DNM2: variants seen among roughly 807,000 people sequenced by gnomAD.
The protein encoded by DNM2 is dynamin-2.
Under a neutral mutation model 99.0 loss-of-function variants are expected in DNM2, and 15 were observed. That is an observed-to-expected ratio of 0.15 (90% CI 0.10 to 0.23). The LOEUF (loss-of-function observed/expected upper bound fraction) is 0.23, where lower values mean the gene tolerates loss of function less well. DNM2 is among the 10% of genes least tolerant of loss of function. DNM2 has a pLI of 1.00. For missense variants in DNM2, 742 were observed against 1,189.4 expected, an observed-to-expected ratio of 0.62 and a Z score of 5.53; for synonymous variants, 525 against 481.2, an observed-to-expected ratio of 1.09 and a Z score of -1.19.
intron 2 of DNM2, among the ~76,000 whole-genome samples, chr19:10,770,873 A>G (rs1003421697): frequency 1.3e-5 from 2 of 152,166 alleles, no homozygotes; most frequent in African/African-American, 4.8e-5. Context: ...GAGCTACAAG[A>G]TGAGATTTGG....
At chr19:10,732,809 T>G (rs1168782816) in intron 1 of DNM2, among the ~76,000 whole-genome samples, 3 of 152,000 alleles carry the variant, frequency 2.0e-5, no homozygotes. Context: ...GTCCAAAGTC[T>G]CAACAGAATG....
At position 10,797,243 on chromosome 19, in the gene DNM2, C is replaced by G; in HGVS notation, c.1197-137C>G. 4 of 1,295,014 alleles carry G rather than the reference C, an allele frequency of 3.1e-6. No individual in the cohort carries two copies. In the South Asian group the frequency reaches 5.1e-5, roughly 17 times the overall value. 80.2% of individuals were successfully genotyped at this position (1,295,014 alleles called of 1,614,324 possible). A position where few individuals can be genotyped will look rare whatever the true frequency, so the allele number is the denominator to read the frequency against. On this transcript the variant is annotated intron_variant, in intron 9 of 20. Coordinates refer to ENST00000389253, the MANE Select transcript of DNM2 (RefSeq NM_001005361.3). ...TCCGAAGCAGCTTCCGGGGCAAATG[C>G]GGGCGCAGGCTCCCCCATGCATGGA...
chr19:10,802,538 C>A (rs1053334654), intron 12 of DNM2, 180 bp downstream of exon 12: 1 of 719,800 alleles, frequency 1.4e-6, no homozygotes, highest in Admixed American at 2.0e-5. Context: ...GATAGTGGTC[C>A]ACTGTCCCCA....
Position 10,812,376 on chromosome 19 carries a change from A to T in DNM2, c.1670A>T (p.Glu557Val). ...TCACTGTCCTGGTACAAGGATGAGG[A>T]GGTGAGTGGCAGGCGGGAGCAGGGC... ...AESLSWYKDE[E>V]EKEKKYMLPL... Residue 557 changes from glutamate to valine, a missense_variant and splice_region_variant, in exon 15 of 21, where the codon GAG (glutamate) becomes GTG (valine). This residue lies in a region of DNM2 where 240 missense variants were observed against 431.3 expected (regional missense o/e 0.56). Transcript: ENST00000389253. The surrounding 1 kb of genome is among the most constrained non-coding windows in gnomAD (Gnocchi z 4.0). 1 of 1,605,156 alleles carries T rather than the reference A, an allele frequency of 6.2e-7. No homozygotes were observed. The highest frequency in any genetic ancestry group is 8.5e-7 in the Non-Finnish European group (1 of 1,175,218).
Position 10,812,253 on chromosome 19 carries a change from C to A in DNM2, c.1558-11C>A. 1 of 1,585,868 alleles carries A rather than the reference C, an allele frequency of 6.3e-7. No homozygotes were observed. The highest frequency in any genetic ancestry group is 8.6e-7 in the Non-Finnish European group (1 of 1,165,856). On this transcript the variant is annotated splice_polypyrimidine_tract_variant and intron_variant, in intron 14 of 20. Transcript: ENST00000389253. This position sits in a 1 kb window ranked among gnomAD's most constrained non-coding sequence, Gnocchi z 4.0. ...GCGAGGTTCCCTGCTAAGCTGCGCG[C>A]TTTCCCCCAGGTGATCCGCAGGGGC...
At chr19:10,740,390 T>C (rs1599452799) in intron 1 of DNM2, among the ~76,000 whole-genome samples, 1 of 127,110 alleles carries the variant, frequency 7.9e-6, no homozygotes, top group African/African-American at 3.1e-5. Flanking sequence ...TGTTTTTTTT[T>C]TTTGAGACGG....
At chr19:10,797,594 G>T in intron 10 of DNM2, 76 bp downstream of exon 10, 1 of 1,609,674 alleles carries the variant, frequency 6.2e-7, no homozygotes, top group East Asian at 2.2e-5. Flanking sequence ...CCGAGCATCT[G>T]GAAAATTCAG....
intron 1 of DNM2, among the ~76,000 whole-genome samples, chr19:10,753,268 C>T (rs1040095978): frequency 2.6e-5 from 4 of 152,086 alleles, no homozygotes; most frequent in Non-Finnish European, 4.4e-5. Context: ...TCAAAGATGT[C>T]GGAAAACATG....
chr19:10,797,839 C>T (rs899579219), intron 10 of DNM2, among the ~76,000 whole-genome samples: 5 of 152,192 alleles, frequency 3.3e-5, no homozygotes, highest in African/African-American at 1.2e-4. Flanking sequence ...GGAAACACAT[C>T]ATCTGTATAG....
At chr19:10,740,887 C>A (rs950754343) in intron 1 of DNM2, among the ~76,000 whole-genome samples, 23 of 152,228 alleles carry the variant, frequency 1.5e-4, no homozygotes, top group South Asian at 1.0e-3. Flanking sequence ...TGAAAAACAT[C>A]TTTCTTGTGT....
At chr19:10,798,444 A>T in intron 10 of DNM2, 42 bp from the exon 11 acceptor site, 1 of 1,598,868 alleles carries the variant, frequency 6.3e-7, no homozygotes, top group South Asian at 1.1e-5. Context: ...TTCCCGTGCC[A>T]CGAGGACCCC....
chr19:10,778,255 G>A (rs1035059121), intron 5 of DNM2, among the ~76,000 whole-genome samples: 6 of 150,608 alleles, frequency 4.0e-5, no homozygotes, highest in African/African-American at 7.3e-5. Context: ...GGCTGGTCTC[G>A]AACTGCTGAC....
intron 17 of DNM2, chr19:10,824,677 C>T (rs1009152166): frequency 6.6e-6 from 2 of 304,844 alleles, no homozygotes; most frequent in African/African-American, 4.3e-5. Context: ...GTGGCGCACC[C>T]CTGTAATCCC....
chr19:10,786,730 C>G (rs768129506), intron 7 of DNM2, 24 bp downstream of exon 7: 1 of 1,613,308 alleles, frequency 6.2e-7, no homozygotes, highest in Non-Finnish European at 8.5e-7. Context: ...CACCCACCAC[C>G]ACCACCACCC....
intron 18 of DNM2, among the ~76,000 whole-genome samples, chr19:10,828,296 T>A (rs1339046385): frequency 7.5e-6 from 1 of 133,462 alleles, no homozygotes; most frequent in African/African-American, 2.8e-5. Context: ...AATAAAGATA[T>A]AACAGGATTG....
chr19:10,789,470 G>A (rs180721731), intron 7 of DNM2, among the ~76,000 whole-genome samples: 1 of 151,964 alleles, frequency 6.6e-6, no homozygotes, highest in African/African-American at 2.4e-5. Flanking sequence ...CAGGAGGATT[G>A]CTTAAAGCCA....
intron 17 of DNM2, chr19:10,824,366 G>A (rs1599629758): frequency 4.4e-6 from 1 of 228,892 alleles, no homozygotes; most frequent in East Asian, 1.1e-4. Flanking sequence ...GCCAGGCATG[G>A]TGGTACGTGC....
At chr19:10,807,908 C>T (rs2072406974) in intron 13 of DNM2, among the ~76,000 whole-genome samples, 2 of 149,712 alleles carry the variant, frequency 1.3e-5, no homozygotes, top group African/African-American at 4.9e-5. Flanking sequence ...TTTGGGAGGC[C>T]GAGGCGGGCG....
At position 10,772,636 on chromosome 19, in the gene DNM2, G is replaced by A; in HGVS notation, c.385+8G>A. On this transcript the variant is annotated splice_region_variant and intron_variant, in intron 3 of 20. Coordinates refer to ENST00000389253, the MANE Select transcript of DNM2 (RefSeq NM_001005361.3). The surrounding 1 kb of genome is among the most constrained non-coding windows in gnomAD (Gnocchi z 4.9). ...GAGTCTACTCGCCACACGGTAGGCA[G>A]CACGGGTGGGGACCCATCACTGACC... 6.2e-7 allele frequency: 1 copy of A among 1,614,038 alleles called. No individual in the cohort carries two copies.
Sources: allele counts gnomAD v4.1 joint callset (sites outside exome capture counted in the v4.1 genomes callset), GRCh38; gene constraint gnomAD v4.1.1; regional missense constraint gnomAD v4.1.1; non-coding constraint Gnocchi (gnomAD v3.1); transcripts MANE v1.5; gene names NCBI Gene and HGNC (gene_info 2026-07-23, HGNC 2026-07-21).